The following ST18 variants were observed in gnomAD, a reference collection of about 807,000 sequenced individuals.
ST18 encodes the protein ST18 C2H2C-type zinc finger transcription factor.
A neutral mutation model predicts 110.0 loss-of-function variants in ST18; 50 were observed. The ratio of observed to expected loss-of-function variants is 0.45; its 90% confidence interval spans 0.36 to 0.58. ST18 has a LOEUF of 0.58. ST18 is among the 20% of genes least tolerant of loss of function. ST18 has a pLI of 0.00. For missense variants in ST18, 1,306 were observed against 1,280.1 expected (o/e 1.02, Z -0.31); for synonymous variants, 461 against 452.4 (o/e 1.02, Z -0.24).
At chr8:52,406,904 C>T (rs1844714749) in intron 2 of ST18, 1 of 152,096 alleles carries the variant, frequency 6.6e-6, no homozygotes, top group Non-Finnish European at 1.5e-5. Context: ...AAGGTAAATC[C>T]AAGAAAGCTA....
At chr8:52,408,624 A>G (rs959882604) in intron 2 of ST18, among the ~76,000 whole-genome samples, 1 of 152,262 alleles carries the variant, frequency 6.6e-6, no homozygotes, top group African/African-American at 2.4e-5. Context: ...AATCCCAAGT[A>G]CTGCGTAGTG....
intron 2 of ST18, among the ~76,000 whole-genome samples, chr8:52,263,743 CTTTTTTTTTTTTT>C (rs755461916): frequency 1.1e-5 from 1 of 94,596 alleles, no homozygotes; most frequent in South Asian, 3.7e-4. Flanking sequence ...CAGTGCCTGG[CTTTTTTTTTTTTT>C]TTTTTTTTGA....
chr8:52,329,322 C>T (rs529290812), intron 2 of ST18, among the ~76,000 whole-genome samples: 3 of 150,112 alleles, frequency 2.0e-5, no homozygotes, highest in Non-Finnish European at 3.0e-5. Flanking sequence ...CTTTGAGTTA[C>T]AGGTGTTGGA....
chr8:52,120,291 T>G (rs1195783612), intron 23 of ST18, among the ~76,000 whole-genome samples: 1 of 152,216 alleles, frequency 6.6e-6, no homozygotes, highest in Non-Finnish European at 1.5e-5. Context: ...AAACTTCTAT[T>G]GTTATAAATT....
In ST18 at chr8:52,398,383, C is replaced by G. The variant is rs565194521; in HGVS notation, c.-465+10945G>C. On this transcript the variant is annotated intron_variant, in intron 2 of 25. Transcript: ENST00000689386. ...TGCAAATAGAGATAATTTTCCTTCT[C>G]TTTTGTCATTGGATACTTTCTATTT... 4.2e-4 allele frequency among the ~76,000 whole-genome samples: 64 copies of G among 152,228 alleles called. 1 individual carries two copies. In the South Asian group the frequency reaches 0.011, roughly 25 times the overall value.
intron 2 of ST18, among the ~76,000 whole-genome samples, chr8:52,337,037 T>G (rs1017323247): frequency 6.6e-6 from 1 of 152,252 alleles, no homozygotes; most frequent in Non-Finnish European, 1.5e-5. Flanking sequence ...AACAATCAAC[T>G]AGTGCTTTCA....
At chr8:52,187,372 A>G (rs1588032490) in intron 8 of ST18, among the ~76,000 whole-genome samples, 1 of 152,346 alleles carries the variant, frequency 6.6e-6, no homozygotes, top group African/African-American at 2.4e-5. Flanking sequence ...AAGAGTCCAG[A>G]TTTGAACTCA....
chr8:52,167,531 G>A (rs1450431665), intron 10 of ST18, among the ~76,000 whole-genome samples: 1 of 152,222 alleles, frequency 6.6e-6, no homozygotes, highest in African/African-American at 2.4e-5. Flanking sequence ...AAGGACACTG[G>A]CTTGTGTCCT....
chr8:52,368,482 T>C (rs1224164673), intron 2 of ST18, among the ~76,000 whole-genome samples: 8 of 152,196 alleles, frequency 5.3e-5, no homozygotes, highest in Non-Finnish European at 1.2e-4. Flanking sequence ...AATGGAGATC[T>C]AAAAAGAGAG....
At chr8:52,231,751 A>AG (rs2091439061) in intron 2 of ST18, among the ~76,000 whole-genome samples, 1 of 152,210 alleles carries the variant, frequency 6.6e-6, no homozygotes, top group Non-Finnish European at 1.5e-5. Flanking sequence ...CTGGGATTAC[A>AG]GGTGTGAGCT....
chr8:52,233,986 C>T (rs548798165), intron 2 of ST18, among the ~76,000 whole-genome samples: 11 of 152,302 alleles, frequency 7.2e-5, no homozygotes, highest in African/African-American at 2.6e-4. Flanking sequence ...CTTTGACTAA[C>T]ATCTCCCCAG....
intron 19 of ST18, among the ~76,000 whole-genome samples, chr8:52,133,733 T>A (rs1205914200): frequency 2.0e-5 from 3 of 148,268 alleles, no homozygotes; most frequent in African/African-American, 7.7e-5. Context: ...ATTATTATTA[T>A]TATTATTGTT....
intron 2 of ST18, among the ~76,000 whole-genome samples, chr8:52,235,599 T>A (rs76797440): frequency 0.015 from 2,212 of 152,322 alleles, 39 homozygotes; most frequent in African/African-American, 0.049. Flanking sequence ...ATCCACAGCC[T>A]GTAGCAAAAA....
chr8:52,409,789 G>A (rs973121998), upstream of ST18: 20 of 152,374 alleles, frequency 1.3e-4, no homozygotes, highest in African/African-American at 4.8e-4. Flanking sequence ...TGCTAACTTT[G>A]CTCTGTGTTA....
At chr8:52,213,738 A>G (rs1308944423) in intron 7 of ST18, among the ~76,000 whole-genome samples, 1 of 152,184 alleles carries the variant, frequency 6.6e-6, no homozygotes, top group Non-Finnish European at 1.5e-5. Flanking sequence ...GGAAATTCCC[A>G]GCTGAGACAG....
chr8:52,159,380 T>C (rs955611032), intron 14 of ST18, among the ~76,000 whole-genome samples: 5 of 152,078 alleles, frequency 3.3e-5, no homozygotes, highest in Non-Finnish European at 5.9e-5. Flanking sequence ...CCATAACTAA[T>C]GTTATGGGGC....
chr8:52,196,506 C>T (rs781105201), intron 8 of ST18, among the ~76,000 whole-genome samples: 6 of 152,094 alleles, frequency 3.9e-5, no homozygotes, highest in South Asian at 2.1e-4. Flanking sequence ...CCCCCTTGTC[C>T]GTGCTTTCAT....
intron 3 of ST18, among the ~76,000 whole-genome samples, chr8:52,227,487 T>C (rs965527005): frequency 1.3e-5 from 2 of 152,290 alleles, no homozygotes; most frequent in Middle Eastern, 3.4e-3. Flanking sequence ...CAGAGAACTA[T>C]GACTAGAATA....
At chr8:52,142,284 A>G (rs1434076510) in intron 17 of ST18, among the ~76,000 whole-genome samples, 7 of 152,112 alleles carry the variant, frequency 4.6e-5, no homozygotes. Context: ...AGAGGTTTTT[A>G]CAGTTTTTTT....
Sources: allele counts gnomAD v4.1 joint callset (sites outside exome capture counted in the v4.1 genomes callset), GRCh38; gene constraint gnomAD v4.1.1; transcripts MANE v1.5; gene names NCBI Gene and HGNC (gene_info 2026-07-23, HGNC 2026-07-21).